The following RABEP1 variants were observed in gnomAD, a reference collection of about 807,000 sequenced individuals.
RABEP1 encodes the protein rabaptin, RAB GTPase binding effector protein 1.
In RABEP1, 51 loss-of-function variants were observed where a neutral mutation model predicts 123.4. The observed-to-expected ratio is 0.41, with a 90% CI of 0.33 to 0.52. The LOEUF is 0.52. Ranked by LOEUF, RABEP1 falls within the 20% of genes least tolerant of loss-of-function variation. The pLI is 0.16. For synonymous variants in RABEP1, 347 were observed against 355.2 expected (o/e 0.98, Z 0.26); for missense variants, 888 against 996.3 (o/e 0.89, Z 1.46).
chr17:5,310,509 G>A (rs2075227936), intron 2 of RABEP1, among the ~76,000 whole-genome samples: 1 of 151,546 alleles, frequency 6.6e-6, no homozygotes, highest in Non-Finnish European at 1.5e-5. Context: ...TAGTAGAGAC[G>A]GGGTTTCACC....
intron 15 of RABEP1, 75 bp downstream of exon 15, chr17:5,378,307 C>T (rs948003839): frequency 9.5e-6 from 13 of 1,373,332 alleles, no homozygotes; most frequent in South Asian, 2.3e-5. Context: ...CTGCACCCAA[C>T]GAATAAAAAA....
intron 5 of RABEP1, among the ~76,000 whole-genome samples, chr17:5,346,567 G>T (rs1908082415): frequency 6.6e-6 from 1 of 152,142 alleles, no homozygotes; most frequent in Admixed American, 6.5e-5. Flanking sequence ...AATCTCAATT[G>T]TATATTTTAT....
chr17:5,293,875 TC>T (rs2075055720), intron 1 of RABEP1, among the ~76,000 whole-genome samples: 1 of 152,222 alleles, frequency 6.6e-6, no homozygotes, highest in African/African-American at 2.4e-5. Context: ...CCAATTTTTT[TC>T]TACATCATTT....
At chr17:5,350,716 T>C (rs1908469952) in intron 7 of RABEP1, 87 bp downstream of exon 7, 7 of 1,382,878 alleles carry the variant, frequency 5.1e-6, no homozygotes, top group South Asian at 1.3e-5. Flanking sequence ...TATTAGAGAC[T>C]GACTTAAGCT....
intron 6 of RABEP1, among the ~76,000 whole-genome samples, chr17:5,347,903 A>G (rs944326013): frequency 6.6e-6 from 1 of 152,224 alleles, no homozygotes; most frequent in African/African-American, 2.4e-5. Flanking sequence ...ATAAACCTTG[A>G]AAAGTATCCG....
chr17:5,312,872 T>G (rs1459555365), intron 2 of RABEP1, among the ~76,000 whole-genome samples: 4 of 152,156 alleles, frequency 2.6e-5, no homozygotes, highest in Admixed American at 1.3e-4. Context: ...TTTGAGAGGC[T>G]GAGGCGGGTG....
At chr17:5,320,733 T>C (rs1462803666) in intron 2 of RABEP1, among the ~76,000 whole-genome samples, 2 of 152,204 alleles carry the variant, frequency 1.3e-5, no homozygotes, top group East Asian at 3.8e-4. Flanking sequence ...CAAGATGTTT[T>C]TTGTAAGCCT....
chr17:5,363,717 A>G (rs536198084), intron 10 of RABEP1, among the ~76,000 whole-genome samples: 5 of 152,224 alleles, frequency 3.3e-5, no homozygotes, highest in Non-Finnish European at 7.3e-5. Flanking sequence ...GGAATGTTAT[A>G]TTAATCAGAA....
intron 12 of RABEP1, among the ~76,000 whole-genome samples, chr17:5,370,658 C>T (rs1910455556): frequency 6.6e-6 from 1 of 152,156 alleles, no homozygotes. Flanking sequence ...AAGAATACTG[C>T]ACAGATGAAA....
At chr17:5,296,662 C>T (rs1056767883) in intron 1 of RABEP1, among the ~76,000 whole-genome samples, 2 of 152,172 alleles carry the variant, frequency 1.3e-5, no homozygotes, top group Non-Finnish European at 2.9e-5. Flanking sequence ...ATTCTCTGAA[C>T]ATTTGATAGA....
Position 5,346,933 on chromosome 17 carries a change from T to C in RABEP1, c.784+8T>C, listed in dbSNP as rs748870538. On this transcript the variant is annotated splice_region_variant and intron_variant, in intron 6 of 17. Transcript: ENST00000537505. ...GGAAAGAATTGCATGAAGGTAAATATACTGTATATTTTTATCTTTGTCTCT... is the reference window on the plus strand; with the variant it reads ...GGAAAGAATTGCATGAAGGTAAATACACTGTATATTTTTATCTTTGTCTCT... 4.5e-6 allele frequency: 7 copies of C among 1,570,936 alleles called. No individual in the cohort carries two copies. The African/African-American group carries it at 9.5e-5, about 21-fold the overall frequency.
intron 5 of RABEP1, among the ~76,000 whole-genome samples, chr17:5,345,187 TC>T (rs35901410): frequency 0.071 from 10,741 of 152,278 alleles, 509 homozygotes; most frequent in East Asian, 0.17. Flanking sequence ...GTGAAACTCT[TC>T]CGTTTAAGGC....
In RABEP1 at chr17:5,346,829, T is replaced by A; in HGVS notation, c.688T>A (p.Cys230Ser). 1 of 1,600,830 alleles carries A rather than the reference T, an allele frequency of 6.2e-7. No homozygotes were observed. Among genetic ancestry groups the A allele is most frequent in the Non-Finnish European group, 8.5e-7 (1 of 1,172,120 alleles). Reference sequence around the variant, plus strand: ...TCATTATCTGGAAGCTGAGAAATCTTGTAGGACTGATCTAGAGATGTATGT... The same window carrying A: ...TCATTATCTGGAAGCTGAGAAATCTAGTAGGACTGATCTAGAGATGTATGT... ...LNHYLEAEKS[C>S]RTDLEMYVAV... is the part of the protein sequence containing the mutation. Residue 230 changes from cysteine to serine, a missense_variant, in exon 6 of 18, where the codon TGT becomes AGT. Transcript: ENST00000537505.
chr17:5,381,596 T>C (rs763433833), intron 17 of RABEP1, 91 bp downstream of exon 17: 16 of 1,485,218 alleles, frequency 1.1e-5, no homozygotes, highest in Non-Finnish European at 1.4e-5. Flanking sequence ...TGGCAGTAGC[T>C]AGAGGTTTAG....
intron 2 of RABEP1, among the ~76,000 whole-genome samples, chr17:5,329,748 CTTTAT>C (rs1906339466): frequency 1.3e-5 from 2 of 150,540 alleles, no homozygotes; most frequent in South Asian, 4.2e-4. Context: ...GATTTTCTAA[CTTTAT>C]TTTAAATTTC....
intron 2 of RABEP1, among the ~76,000 whole-genome samples, chr17:5,323,600 C>T (rs1266641946): frequency 2.6e-5 from 4 of 150,972 alleles, no homozygotes; most frequent in African/African-American, 7.3e-5. Context: ...ACAATGGCTA[C>T]AAAACACACA....
intron 2 of RABEP1, among the ~76,000 whole-genome samples, chr17:5,316,733 T>C (rs2075300125): frequency 6.9e-6 from 1 of 145,804 alleles, no homozygotes; most frequent in Non-Finnish European, 1.5e-5. Flanking sequence ...CTCGGGAGGC[T>C]GAGGTAGGAG....
chr17:5,322,774 G>A, intron 2 of RABEP1, among the ~76,000 whole-genome samples: 1 of 152,140 alleles, frequency 6.6e-6, no homozygotes. Context: ...ACATAACCAA[G>A]AACAAAAGCC....
At chr17:5,382,920 C>T (rs999818125) in intron 17 of RABEP1, among the ~76,000 whole-genome samples, 2 of 151,064 alleles carry the variant, frequency 1.3e-5, no homozygotes, top group African/African-American at 4.9e-5. Flanking sequence ...ATGAGCAAAA[C>T]TCTCCCCCCC....
Sources: allele counts gnomAD v4.1 joint callset (sites outside exome capture counted in the v4.1 genomes callset), GRCh38; gene constraint gnomAD v4.1.1; transcripts MANE v1.5; gene names NCBI Gene and HGNC (gene_info 2026-07-23, HGNC 2026-07-21).